PUM2: variants seen among roughly 807,000 people sequenced by gnomAD.
The protein encoded by PUM2 is pumilio RNA binding family member 2, also known as pumilio homolog 2.
A neutral mutation model predicts 124.5 loss-of-function variants in PUM2; 57 were observed. That is an observed-to-expected ratio of 0.46 (90% CI 0.37 to 0.57). The LOEUF is 0.57. PUM2 is among the 20% of genes least tolerant of loss of function. PUM2 has a pLI of 0.00. For missense variants in PUM2, 1,065 were observed against 1,290.6 expected (o/e 0.83, Z 2.68); for synonymous variants, 460 against 446.1 (o/e 1.03, Z -0.39).
intron 16 of PUM2, among the ~76,000 whole-genome samples, chr2:20,256,852 G>C (rs1014423087): frequency 6.6e-6 from 1 of 151,830 alleles, no homozygotes; most frequent in Non-Finnish European, 1.5e-5. Flanking sequence ...TTTGAGACCA[G>C]CCCGGGCGAC....
chr2:20,348,947 T>G (rs1336530076), intron 1 of PUM2, among the ~76,000 whole-genome samples: 1 of 152,186 alleles, frequency 6.6e-6, no homozygotes, highest in Non-Finnish European at 1.5e-5. Flanking sequence ...AAAAAAAGAT[T>G]CATAAACAAG....
intron 20 of PUM2, among the ~76,000 whole-genome samples, chr2:20,252,587 T>C (rs1663705994): frequency 6.6e-6 from 1 of 152,082 alleles, no homozygotes; most frequent in African/African-American, 2.4e-5. Context: ...ATCAAGAGTA[T>C]TCAAAATAAG....
At chr2:20,270,024 T>C (rs533518675) in intron 13 of PUM2, among the ~76,000 whole-genome samples, 7 of 152,282 alleles carry the variant, frequency 4.6e-5, no homozygotes, top group African/African-American at 7.2e-5. Context: ...GGGGGTAATG[T>C]ATAGTTCCAA....
chr2:20,282,776 G>A (rs1671829839), intron 12 of PUM2, among the ~76,000 whole-genome samples, 171 bp downstream of exon 12: 1 of 152,186 alleles, frequency 6.6e-6, no homozygotes, highest in Non-Finnish European at 1.5e-5. Context: ...AAACATTGGT[G>A]AGTGTTGAAA....
chr2:20,328,096 A>G (rs1212792372), intron 1 of PUM2, among the ~76,000 whole-genome samples: 1 of 152,212 alleles, frequency 6.6e-6, no homozygotes, highest in African/African-American at 2.4e-5. Flanking sequence ...GCACTTTGGG[A>G]GACCGAGGTG....
At chr2:20,265,026 C>G (rs1169282131) in intron 13 of PUM2, among the ~76,000 whole-genome samples, 1 of 152,028 alleles carries the variant, frequency 6.6e-6, no homozygotes, top group Non-Finnish European at 1.5e-5. Context: ...TGCTAGCTAC[C>G]TGGTGCCTGG....
intron 1 of PUM2, among the ~76,000 whole-genome samples, chr2:20,348,897 T>C (rs1478348475): frequency 6.6e-6 from 1 of 152,208 alleles, no homozygotes; most frequent in Non-Finnish European, 1.5e-5. Flanking sequence ...CCACCTGCAC[T>C]GCAGTCTGGG....
At chr2:20,348,699 G>A (rs1688722823) in intron 1 of PUM2, among the ~76,000 whole-genome samples, 1 of 152,234 alleles carries the variant, frequency 6.6e-6, no homozygotes, top group Non-Finnish European at 1.5e-5. Flanking sequence ...GGAGGGCGAG[G>A]CGGGAGGATC....
chr2:20,260,454 T>G lies in PUM2; in HGVS notation c.2238A>C (p.Gln746His). 6.2e-7 allele frequency: 1 copy of G among 1,608,776 alleles called. No individual in the cohort carries two copies. The change falls in exon 15 of 21, where the codon CAA (glutamine) becomes CAC (histidine). Residue 746 changes from glutamine to histidine, a missense_variant. Physicochemically the swap from Gln to His is conservative, Grantham distance 24. Coordinates refer to ENST00000361078, the MANE Select transcript of PUM2 (RefSeq NM_015317.5). ...CAGCTGGAGTAGCTCTCTCTAGTTTTTGCTGTATGAATCTACATAGGGAAC... is the reference window on the plus strand; with the variant it reads ...CAGCTGGAGTAGCTCTCTCTAGTTTGTGCTGTATGAATCTACATAGGGAAC... The part of the protein sequence containing the change: ...QDQHGSRFIQ[Q>H]KLERATPAER...
chr2:20,305,291 C>T (rs1677947772), intron 7 of PUM2, among the ~76,000 whole-genome samples: 1 of 151,682 alleles, frequency 6.6e-6, no homozygotes. Context: ...TCGAGACCAG[C>T]CTGGACAATA....
chr2:20,268,785 G>A (rs755730569), intron 13 of PUM2, among the ~76,000 whole-genome samples: 2 of 152,076 alleles, frequency 1.3e-5, no homozygotes, highest in Non-Finnish European at 2.9e-5. Flanking sequence ...AATGTGTGGG[G>A]CATTTTCATT....
At chr2:20,273,382 AAC>A (rs1466772144) in intron 13 of PUM2, among the ~76,000 whole-genome samples, 1 of 152,218 alleles carries the variant, frequency 6.6e-6, no homozygotes, top group African/African-American at 2.4e-5. Context: ...CTGATGCCAA[AAC>A]ACAGGATGGG....
Position 20,318,631 on chromosome 2 carries a change from T to C in PUM2, c.66A>G (p.Lys22=). 6.2e-7 allele frequency: 1 copy of C among 1,612,840 alleles called. No individual in the cohort carries two copies. The highest frequency in any genetic ancestry group is 2.2e-5 in the East Asian group (1 of 44,862). ...SRGMGELLPT[K]KFWEPDDSTK... ...TTGAATCATCAGGTTCCCAAAACTT[T>C]TTGGTAGGCAAAAGCTATTTGGAGG... Residue 22 remains lysine, a synonymous_variant, in exon 3 of 21, where the codon AAA becomes AAG. Coordinates refer to ENST00000361078, the MANE Select transcript of PUM2 (RefSeq NM_015317.5).
intron 10 of PUM2, among the ~76,000 whole-genome samples, chr2:20,284,275 CAGTTT>C (rs1411722725): frequency 4.6e-5 from 7 of 152,212 alleles, no homozygotes; most frequent in African/African-American, 1.7e-4. Context: ...TTCTGGAACT[CAGTTT>C]AGAAAGGCTG....
chr2:20,255,524 G>A (rs1483474147), intron 17 of PUM2, among the ~76,000 whole-genome samples, 183 bp from the exon 18 acceptor site: 1 of 151,918 alleles, frequency 6.6e-6, no homozygotes, highest in African/African-American at 2.4e-5. Context: ...GTGGGGACAG[G>A]GAGCACTCCA....
intron 13 of PUM2, among the ~76,000 whole-genome samples, chr2:20,275,029 C>T (rs1174193521): frequency 7.6e-6 from 1 of 132,218 alleles, no homozygotes; most frequent in Non-Finnish European, 1.6e-5. Context: ...GGTAGATTGC[C>T]CCCCTCCTAT....
intron 13 of PUM2, among the ~76,000 whole-genome samples, chr2:20,274,351 T>A (rs1294740747): frequency 6.6e-6 from 1 of 152,176 alleles, no homozygotes; most frequent in East Asian, 1.9e-4. Flanking sequence ...CTCAGAAAAA[T>A]GGCAGGTGGC....
At chr2:20,304,061 T>C (rs1286492595) in intron 7 of PUM2, among the ~76,000 whole-genome samples, 1 of 152,234 alleles carries the variant, frequency 6.6e-6, no homozygotes, top group African/African-American at 2.4e-5. Flanking sequence ...TTGTTCATTA[T>C]GTGGTATCAG....
chr2:20,308,015 C>T lies in PUM2; in HGVS notation c.846G>A (p.Gln282=), dbSNP rs912319212. The change falls in exon 7 of 21, where the codon CAG becomes CAA. Residue 282 remains glutamine, a synonymous_variant. Coordinates refer to ENST00000361078, the MANE Select transcript of PUM2 (RefSeq NM_015317.5). ...TVQQLTAAQQ[Q]QYALAAAQQP... is the part of the protein sequence containing the mutation. The stretch of plus-strand genomic sequence containing the variant: ...GCTGAGCTGCTGCTAATGCATATTG[C>T]TGCTGTTGAGCTGCAGTTAACTGTT... 1 of 1,613,426 alleles carries T rather than the reference C, an allele frequency of 6.2e-7. No homozygotes were observed.
Sources: allele counts gnomAD v4.1 joint callset (sites outside exome capture counted in the v4.1 genomes callset), GRCh38; gene constraint gnomAD v4.1.1; transcripts MANE v1.5; gene names NCBI Gene and HGNC (gene_info 2026-07-23, HGNC 2026-07-21).